The following LRMDA variants were observed in gnomAD, a reference collection of about 807,000 sequenced individuals.
The protein encoded by LRMDA is leucine rich melanocyte differentiation associated, also known as leucine-rich melanocyte differentiation-associated protein.
A neutral mutation model predicts 29.8 loss-of-function variants in LRMDA; 18 were observed. That is an observed-to-expected ratio of 0.60 (90% CI 0.42 to 0.90). The LOEUF is 0.90. Ranked by LOEUF, LRMDA falls within the 40% of genes least tolerant of loss-of-function variation. LRMDA has a pLI of 0.00. For missense variants in LRMDA, 273 were observed against 273.9 expected (o/e 1.00, Z 0.02); for synonymous variants, 125 against 109.4 (o/e 1.14, Z -0.89).
intron 2 of LRMDA, among the ~76,000 whole-genome samples, chr10:75,473,278 T>C (rs1844747146): frequency 6.6e-6 from 1 of 152,168 alleles, no homozygotes; most frequent in Non-Finnish European, 1.5e-5. Flanking sequence ...CAGCATAACA[T>C]GTCATAACAG....
rs1169417368 is a variant in LRMDA, at chr10:75,688,225, T to TTTC, written c.131+249731_131+249732insTTC. Among the ~76,000 whole-genome samples the TTTC allele has an allele frequency of 3.0e-4, 46 of 152,332 alleles. No homozygotes were observed. In the East Asian group the frequency reaches 8.1e-3, roughly 27 times the overall value. On this transcript the variant is annotated intron_variant, in intron 2 of 6. Transcript: ENST00000611255. ...GATAGTGATTTCTCTGATGGATCTGTCAAAGTAAATTGAAAACCTTCTGGA... is the reference window on the plus strand; with the variant it reads ...GATAGTGATTTCTCTGATGGATCTGTTTCCAAAGTAAATTGAAAACCTTCTGGA...
chr10:76,376,873 T>A lies in LRMDA; in HGVS notation c.601+52388T>A, dbSNP rs1841527010. 2.4e-5 allele frequency among the ~76,000 whole-genome samples: 2 copies of A among 84,172 alleles called. 1 individual carries two copies. Among genetic ancestry groups the A allele is most frequent in the Non-Finnish European group, 4.7e-5 (2 of 42,672 alleles). The allele number at this position is 84,172 out of a possible 152,430, so 55.2% of individuals were successfully genotyped here. On this transcript the variant is annotated intron_variant, in intron 6 of 6. Transcript: ENST00000611255. ...GTTGGGCACTTGGAAGTCTTTTTTT[T>A]TTTTTTTTTTTTTTTTTTTTTTTTT...
intron 2 of LRMDA, among the ~76,000 whole-genome samples, chr10:76,015,956 A>G (rs1271598916): frequency 1.3e-5 from 2 of 152,244 alleles, no homozygotes; most frequent in Non-Finnish European, 2.9e-5. Flanking sequence ...CTTCTAGCCT[A>G]AAGTAATCAC....
At chr10:76,069,141 G>T (rs1848834343) in intron 5 of LRMDA, among the ~76,000 whole-genome samples, 1 of 152,100 alleles carries the variant, frequency 6.6e-6, no homozygotes. Flanking sequence ...AAGTTGTTTT[G>T]CCCACCTGTG....
rs1052926412 is a variant in LRMDA at position 75,934,549 on chromosome 10, G to A, written c.132-101459G>A. Among the ~76,000 whole-genome samples, 3 of 152,104 alleles carry A rather than the reference G, an allele frequency of 2.0e-5. No homozygotes were observed. The East Asian group carries it at 5.8e-4, about 29-fold the overall frequency. On this transcript the variant is annotated intron_variant, in intron 2 of 6. Transcript: ENST00000611255. ...TCTTCCAATAGAAGACAGAGTGTGT[G>A]CCAGTGCCAGAGACCTGGGTAACAG... is the stretch of plus-strand genomic sequence containing the variant.
intron 6 of LRMDA, among the ~76,000 whole-genome samples, chr10:76,545,169 G>T (rs923057607): frequency 4.3e-4 from 44 of 101,832 alleles, no homozygotes; most frequent in Admixed American, 3.6e-3. Flanking sequence ...CTTTTTTTTT[G>T]TTTTTTATTT....
intron 5 of LRMDA, among the ~76,000 whole-genome samples, chr10:76,249,103 G>T (rs924584950): frequency 6.6e-6 from 1 of 152,168 alleles, no homozygotes; most frequent in Non-Finnish European, 1.5e-5. Flanking sequence ...GCAATGGAGT[G>T]AGAAAGAATT....
At chr10:75,543,599 C>T (rs1258202532) in intron 2 of LRMDA, among the ~76,000 whole-genome samples, 1 of 152,036 alleles carries the variant, frequency 6.6e-6, no homozygotes, top group Non-Finnish European at 1.5e-5. Context: ...TTTTGCTGGC[C>T]GGATTTGACT....
intron 5 of LRMDA, among the ~76,000 whole-genome samples, chr10:76,183,053 A>G (rs1460257665): frequency 6.6e-6 from 1 of 152,182 alleles, no homozygotes; most frequent in African/African-American, 2.4e-5. Context: ...CCAAAAGAGG[A>G]CAGTCTGCCC....
Position 75,865,834 on chromosome 10 carries a change from G to T in LRMDA, c.132-170174G>T, listed in dbSNP as rs79177678. Among the ~76,000 whole-genome samples the T allele has an allele frequency of 5.9e-5, 9 of 152,098 alleles. No individual in the cohort carries two copies. In the East Asian group the frequency reaches 1.7e-3, roughly 29 times the overall value. Reference sequence around the variant, plus strand: ...TCATTATCATGTACTACCATCAAAGGTTATTCACTGAAAGCTGAAGAAAAA... The same window carrying T: ...TCATTATCATGTACTACCATCAAAGTTTATTCACTGAAAGCTGAAGAAAAA... On this transcript the variant is annotated intron_variant, in intron 2 of 6. Transcript: ENST00000611255.
At chr10:76,426,941 G>C (rs562480238) in intron 6 of LRMDA, among the ~76,000 whole-genome samples, 4 of 152,076 alleles carry the variant, frequency 2.6e-5, no homozygotes, top group Non-Finnish European at 2.9e-5. Context: ...TCTGAGGGCT[G>C]TGTTCTGTTC....
chr10:76,295,725 A>G (rs912404079), intron 5 of LRMDA, among the ~76,000 whole-genome samples: 1 of 152,114 alleles, frequency 6.6e-6, no homozygotes, highest in African/African-American at 2.4e-5. Context: ...TGCTTAAGCT[A>G]TCTCTGCCCC....
At chr10:75,884,383 G>A (rs1252270413) in intron 2 of LRMDA, among the ~76,000 whole-genome samples, 1 of 151,782 alleles carries the variant, frequency 6.6e-6, no homozygotes, top group Non-Finnish European at 1.5e-5. Context: ...GTCTAGGTAG[G>A]ATCCAAGGGA....
intron 5 of LRMDA, among the ~76,000 whole-genome samples, chr10:76,291,418 GA>G (rs1840338929): frequency 6.6e-6 from 1 of 152,136 alleles, no homozygotes. Flanking sequence ...AATTGTGGGG[GA>G]TATTTTATAA....
intron 4 of LRMDA, among the ~76,000 whole-genome samples, chr10:76,048,248 A>G (rs554708417): frequency 6.6e-6 from 1 of 152,180 alleles, no homozygotes; most frequent in Non-Finnish European, 1.5e-5. Context: ...ACACACATTC[A>G]TGCACTTGTT....
intron 5 of LRMDA, among the ~76,000 whole-genome samples, chr10:76,183,052 GAC>G (rs1428399684): frequency 1.3e-5 from 2 of 152,146 alleles, no homozygotes; most frequent in African/African-American, 4.8e-5. Flanking sequence ...CCCAAAAGAG[GAC>G]AGTCTGCCCA....
chr10:75,614,036 G>C (rs1841068468), intron 2 of LRMDA, among the ~76,000 whole-genome samples: 1 of 152,188 alleles, frequency 6.6e-6, no homozygotes, highest in Non-Finnish European at 1.5e-5. Context: ...GAGTCAAGTT[G>C]CTGAAATCTT....
intron 2 of LRMDA, among the ~76,000 whole-genome samples, chr10:75,552,083 T>G (rs758475435): frequency 1.3e-4 from 20 of 152,168 alleles, no homozygotes; most frequent in Non-Finnish European, 2.6e-4. Context: ...ATAAAAGAAA[T>G]AAAAACAATC....
chr10:76,012,607 G>A (rs1278338109), intron 2 of LRMDA, among the ~76,000 whole-genome samples: 1 of 152,082 alleles, frequency 6.6e-6, no homozygotes, highest in Non-Finnish European at 1.5e-5. Context: ...TAAAGCATAG[G>A]AACAAAGCGG....
Sources: allele counts gnomAD v4.1 joint callset (sites outside exome capture counted in the v4.1 genomes callset), GRCh38; gene constraint gnomAD v4.1.1; transcripts MANE v1.5; gene names NCBI Gene and HGNC (gene_info 2026-07-23, HGNC 2026-07-21).